Variants in PRKG1 observed in about 807,000 individuals in gnomAD.
PRKG1 encodes protein kinase cGMP-dependent 1.
Under a neutral mutation model 88.1 loss-of-function variants are expected in PRKG1, and 35 were observed. That is an observed-to-expected ratio of 0.40 (90% CI 0.30 to 0.53). The LOEUF (loss-of-function observed/expected upper bound fraction) is 0.53, where lower values mean the gene tolerates loss of function less well. Among genes scored for constraint, PRKG1 ranks in the 20% least tolerant of loss-of-function variants. The pLI is 0.59. For synonymous variants in PRKG1, 303 were observed against 292.5 expected, an observed-to-expected ratio of 1.04 and a Z score of -0.37; for missense variants, 540 against 839.8, an observed-to-expected ratio of 0.64 and a Z score of 4.41.
At chr10:51,480,671 A>G (rs924409803) in intron 3 of PRKG1, among the ~76,000 whole-genome samples, 6 of 152,080 alleles carry the variant, frequency 3.9e-5, no homozygotes, top group Non-Finnish European at 5.9e-5. Context: ...GGTATTTAAA[A>G]CCTTATAAAA....
chr10:51,764,926 T>C (rs182200564), intron 3 of PRKG1, among the ~76,000 whole-genome samples: 18 of 152,292 alleles, frequency 1.2e-4, no homozygotes, highest in African/African-American at 4.3e-4. Flanking sequence ...GAAGGCATGT[T>C]TCATGAACCA....
intron 3 of PRKG1, among the ~76,000 whole-genome samples, chr10:51,573,713 T>A (rs1294139523): frequency 6.6e-6 from 1 of 151,788 alleles, no homozygotes; most frequent in Non-Finnish European, 1.5e-5. Context: ...AGCTATGGAG[T>A]CTTAGTTACT....
chr10:51,765,257 C>A (rs1240320230), intron 3 of PRKG1, among the ~76,000 whole-genome samples: 4 of 152,148 alleles, frequency 2.6e-5, no homozygotes, highest in Non-Finnish European at 5.9e-5. Context: ...ATAGACAGTG[C>A]AGGAGGTCAT....
intron 3 of PRKG1, among the ~76,000 whole-genome samples, chr10:51,595,321 C>CA (rs199899457): frequency 6.6e-6 from 1 of 151,904 alleles, no homozygotes; most frequent in African/African-American, 2.4e-5. Context: ...GACCTTGTTT[C>CA]AAAAAATAAA....
At position 51,395,697 on chromosome 10, in the gene PRKG1, T is replaced by A. The variant is rs57438032; in HGVS notation, c.479-72026T>A. Among the ~76,000 whole-genome samples, 741 of 152,316 alleles carry A rather than the reference T, an allele frequency of 4.9e-3. 10 individuals carry two copies. The highest frequency in any genetic ancestry group is 0.016 in the African/African-American group (686 of 41,582). On this transcript the variant is annotated intron_variant, in intron 2 of 17. Transcript: ENST00000373980. Reference sequence around the variant, plus strand: ...AGTAATTTTTCAGCGTTGGAAGAGATCTCTGAGGCATGATAACGCCAGCAG... The same window carrying A: ...AGTAATTTTTCAGCGTTGGAAGAGAACTCTGAGGCATGATAACGCCAGCAG...
intron 2 of PRKG1, among the ~76,000 whole-genome samples, chr10:51,428,438 A>G (rs558701384): frequency 1.9e-3 from 282 of 152,292 alleles, no homozygotes; most frequent in African/African-American, 6.6e-3. Flanking sequence ...AGGGATTTCT[A>G]GAATGATGGA....
chr10:51,174,514 C>T (rs928547025), intron 2 of PRKG1, among the ~76,000 whole-genome samples: 2 of 151,782 alleles, frequency 1.3e-5, no homozygotes, highest in Non-Finnish European at 2.9e-5. Flanking sequence ...CAATTGGCTT[C>T]GCAAAGAAGA....
chr10:52,027,605 G>A (rs532481829), intron 5 of PRKG1, among the ~76,000 whole-genome samples: 200 of 152,230 alleles, frequency 1.3e-3, no homozygotes, highest in African/African-American at 4.8e-3. Context: ...GTGAGCATGG[G>A]ATAAGGAGGT....
intron 3 of PRKG1, among the ~76,000 whole-genome samples, chr10:51,668,391 A>G (rs1262710123): frequency 6.6e-6 from 1 of 152,198 alleles, no homozygotes; most frequent in Non-Finnish European, 1.5e-5. Flanking sequence ...CTCAGATTTC[A>G]TAATTTGCTC....
chr10:51,824,469 G>A (rs1049679126), intron 4 of PRKG1, among the ~76,000 whole-genome samples: 5 of 152,024 alleles, frequency 3.3e-5, no homozygotes, highest in Non-Finnish European at 5.9e-5. Flanking sequence ...TGTGGATATA[G>A]GCATAGCATA....
At chr10:51,313,375 A>G (rs1029414841) in intron 2 of PRKG1, among the ~76,000 whole-genome samples, 3 of 152,138 alleles carry the variant, frequency 2.0e-5, no homozygotes, top group Non-Finnish European at 4.4e-5. Context: ...TCTCCTATTC[A>G]GAGTCTATTC....
intron 2 of PRKG1, chr10:51,299,523 T>A (rs780924403): frequency 2.1e-6 from 1 of 468,212 alleles, no homozygotes. Flanking sequence ...GCTCATTCTT[T>A]AAAGTAGGAA....
chr10:51,150,811 G>A (rs1454091441), intron 1 of PRKG1, among the ~76,000 whole-genome samples: 1 of 151,954 alleles, frequency 6.6e-6, no homozygotes, highest in Non-Finnish European at 1.5e-5. Flanking sequence ...TGGAAAGTTT[G>A]GATAATTCTA....
chr10:51,031,723 A>G (rs1426652910), intron 1 of PRKG1, among the ~76,000 whole-genome samples: 3 of 152,168 alleles, frequency 2.0e-5, no homozygotes, highest in Non-Finnish European at 4.4e-5. Flanking sequence ...CAAGACCAGT[A>G]TGTGGTCAAA....
chr10:52,250,162 T>C (rs901328080), intron 9 of PRKG1, among the ~76,000 whole-genome samples: 1 of 152,178 alleles, frequency 6.6e-6, no homozygotes, highest in African/African-American at 2.4e-5. Flanking sequence ...ATCTCCCGGA[T>C]CACTATGTTG....
chr10:51,361,172 C>T (rs1034430007), intron 2 of PRKG1, among the ~76,000 whole-genome samples: 17 of 151,912 alleles, frequency 1.1e-4, no homozygotes, highest in African/African-American at 2.9e-4. Context: ...CAAAAGACTC[C>T]CCAAACAAGG....
intron 3 of PRKG1, among the ~76,000 whole-genome samples, chr10:51,609,777 AG>A (rs1355784323): frequency 6.6e-6 from 1 of 152,170 alleles, no homozygotes; most frequent in Non-Finnish European, 1.5e-5. Flanking sequence ...TTTTAGTGGG[AG>A]CCTAACAATG....
intron 2 of PRKG1, among the ~76,000 whole-genome samples, chr10:51,283,727 T>A (rs78714336): frequency 0.014 from 2,141 of 152,156 alleles, 93 homozygotes; most frequent in East Asian, 0.082. Context: ...AAGAAAAAAT[T>A]ATGCAAAGAA....
chr10:52,055,142 A>C (rs1026184485), intron 6 of PRKG1, among the ~76,000 whole-genome samples: 1 of 152,192 alleles, frequency 6.6e-6, no homozygotes, highest in African/African-American at 2.4e-5. Context: ...CCTCCAAAAA[A>C]AGAGAAAGTA....
Sources: allele counts gnomAD v4.1 joint callset (sites outside exome capture counted in the v4.1 genomes callset), GRCh38; gene constraint gnomAD v4.1.1; transcripts MANE v1.5; gene names NCBI Gene and HGNC (gene_info 2026-07-23, HGNC 2026-07-21).